Variants in TMEM200A observed in about 807,000 individuals in gnomAD.
TMEM200A encodes the protein transmembrane protein 200A.
In TMEM200A, 12 loss-of-function variants were observed where a neutral mutation model predicts 24.3. The ratio of observed to expected loss-of-function variants is 0.49; its 90% CI spans 0.32 to 0.80. TMEM200A has a LOEUF of 0.80. Ranked by LOEUF, TMEM200A falls within the 30% of genes least tolerant of loss-of-function variation. TMEM200A has a pLI of 0.04. For synonymous variants in TMEM200A, 224 were observed against 224.4 expected (o/e 1.00, Z 0.02); for missense variants, 545 against 614.4 (o/e 0.89, Z 1.19).
intron 2 of TMEM200A, among the ~76,000 whole-genome samples, chr6:130,409,657 T>C (rs1214626704): frequency 6.6e-6 from 1 of 152,216 alleles, no homozygotes; most frequent in African/African-American, 2.4e-5. Context: ...AGTATTTTGA[T>C]GTCTCATGAC....
chr6:130,384,570 C>T (rs1285526054), intron 1 of TMEM200A, among the ~76,000 whole-genome samples: 2 of 152,056 alleles, frequency 1.3e-5, no homozygotes, highest in Admixed American at 1.3e-4. Flanking sequence ...CCTTGGCCTT[C>T]CAAAGTGCTG....
chr6:130,385,065 G>A (rs1205444134), intron 1 of TMEM200A, 108 bp from the exon 2 acceptor site: 1 of 152,312 alleles, frequency 6.6e-6, no homozygotes, highest in East Asian at 1.9e-4. Flanking sequence ...TAGTCAGACA[G>A]AAAAAAGTAG....
At chr6:130,396,657 T>C (rs1355529366) in intron 2 of TMEM200A, among the ~76,000 whole-genome samples, 1 of 152,172 alleles carries the variant, frequency 6.6e-6, no homozygotes, top group Non-Finnish European at 1.5e-5. Flanking sequence ...ATTTATACTT[T>C]GTATATTTTT....
chr6:130,400,576 C>T (rs1321638067), intron 2 of TMEM200A, among the ~76,000 whole-genome samples: 1 of 151,230 alleles, frequency 6.6e-6, no homozygotes, highest in African/African-American at 2.4e-5. Flanking sequence ...TATGTAAGCC[C>T]TGAGTTACAG....
chr6:130,408,865 T>C (rs913297006), intron 2 of TMEM200A, among the ~76,000 whole-genome samples: 13 of 152,146 alleles, frequency 8.5e-5, no homozygotes, highest in Admixed American at 6.5e-4. Context: ...AGGGGAGACC[T>C]GCCATAGGAG....
intron 2 of TMEM200A, among the ~76,000 whole-genome samples, chr6:130,426,318 A>C (rs892683454): frequency 6.6e-6 from 1 of 152,184 alleles, no homozygotes; most frequent in Non-Finnish European, 1.5e-5. Context: ...TGCAGCACGC[A>C]AAAGATGAAA....
intron 1 of TMEM200A, among the ~76,000 whole-genome samples, chr6:130,383,764 A>T (rs565993910): frequency 3.9e-5 from 6 of 152,298 alleles, no homozygotes; most frequent in Non-Finnish European, 8.8e-5. Flanking sequence ...GACAAGTATT[A>T]AAACTTTGGA....
intron 2 of TMEM200A, among the ~76,000 whole-genome samples, chr6:130,409,840 G>GT (rs60589180): frequency 0.017 from 2,437 of 144,408 alleles, 38 homozygotes; most frequent in African/African-American, 0.05. Context: ...CTGTCTCTCA[G>GT]TTTTTTTTTT....
intron 2 of TMEM200A, 66 bp from the exon 3 acceptor site, chr6:130,440,341 T>C (rs745720591): frequency 1.7e-5 from 24 of 1,420,512 alleles, no homozygotes; most frequent in Non-Finnish European, 2.2e-5. Context: ...GTTGTTTAAT[T>C]GAACTGATGC....
chr6:130,384,300 G>A (rs761514264), intron 1 of TMEM200A, among the ~76,000 whole-genome samples: 13 of 152,228 alleles, frequency 8.5e-5, no homozygotes, highest in South Asian at 2.1e-4. Context: ...GCTGTATAAT[G>A]TTCTGTTACC....
At chr6:130,428,503 C>A (rs1430021221) in intron 2 of TMEM200A, among the ~76,000 whole-genome samples, 1 of 152,062 alleles carries the variant, frequency 6.6e-6, no homozygotes, top group Non-Finnish European at 1.5e-5. Context: ...TAGTAGAGAG[C>A]TTTCTCTCTG....
intron 2 of TMEM200A, among the ~76,000 whole-genome samples, chr6:130,418,245 A>G (rs1779504024): frequency 6.6e-6 from 1 of 152,256 alleles, no homozygotes; most frequent in Non-Finnish European, 1.5e-5. Flanking sequence ...AAAACACACC[A>G]AAACAACTCT....
chr6:130,424,722 G>T (rs1456689824), intron 2 of TMEM200A, among the ~76,000 whole-genome samples: 1 of 152,058 alleles, frequency 6.6e-6, no homozygotes, highest in Non-Finnish European at 1.5e-5. Context: ...AGGATGGGTG[G>T]GGGAGCCATG....
Position 130,427,713 on chromosome 6 carries a change from A to AATCT in TMEM200A, c.-16-12693_-16-12690dup, listed in dbSNP as rs372009068. On this transcript the variant is annotated intron_variant, in intron 2 of 2. Transcript: ENST00000296978. ...TACCTCACCAATAATGGTCATAATC[A>AATCT]ATCTTTTTGTCTTTTTTTTTTTCAT... Among the ~76,000 whole-genome samples the AATCT allele has an allele frequency of 1.6e-3, 242 of 150,748 alleles. 2 individuals carry two copies. The highest frequency in any genetic ancestry group is 5.8e-3 in the African/African-American group (237 of 41,014).
intron 2 of TMEM200A, among the ~76,000 whole-genome samples, chr6:130,420,936 G>T (rs1779568123): frequency 1.3e-5 from 2 of 152,106 alleles, no homozygotes; most frequent in African/African-American, 4.8e-5. Flanking sequence ...TGATCCTAGA[G>T]GACATGCTGG....
chr6:130,407,688 T>C (rs1779237203), intron 2 of TMEM200A, among the ~76,000 whole-genome samples: 1 of 152,210 alleles, frequency 6.6e-6, no homozygotes, highest in South Asian at 2.1e-4. Flanking sequence ...AGCTCCGAGG[T>C]GCCTCTAATG....
rs372578935 is a variant in TMEM200A, at chr6:130,442,784, A to C, written c.*886A>C. ...TGTTTTTAGCCATCTGTTACTGTCCAATAGCACCTCATTCCCACATTCTAT... is the reference window on the plus strand; with the variant it reads ...TGTTTTTAGCCATCTGTTACTGTCCCATAGCACCTCATTCCCACATTCTAT... On this transcript the variant is annotated 3_prime_UTR_variant, in exon 3 of 3. Transcript: ENST00000296978. The C allele has an allele frequency of 6.0e-6, 1 of 167,162 alleles. No homozygotes were observed. The highest frequency in any genetic ancestry group is 1.9e-4 in the East Asian group (1 of 5,178). 10.4% of individuals were successfully genotyped at this position (167,162 alleles called of 1,614,324 possible). A position where few individuals can be genotyped will look rare whatever the true frequency, so the allele number is the denominator to read the frequency against.
At chr6:130,435,981 ATT>A (rs1779997708) in intron 2 of TMEM200A, among the ~76,000 whole-genome samples, 1 of 152,196 alleles carries the variant, frequency 6.6e-6, no homozygotes, top group Non-Finnish European at 1.5e-5. Flanking sequence ...ACAGGTAATC[ATT>A]GAGATTTGGA....
chr6:130,388,617 T>C (rs1050209186), intron 2 of TMEM200A, among the ~76,000 whole-genome samples: 7 of 152,262 alleles, frequency 4.6e-5, no homozygotes, highest in Non-Finnish European at 7.3e-5. Flanking sequence ...CTGAGTGGCA[T>C]AAGTAGATAC....
Sources: gnomAD v4.1 joint callset for allele counts (sites outside exome capture counted in the v4.1 genomes callset) on GRCh38, gnomAD v4.1.1 for gene constraint, MANE v1.5 for transcripts, NCBI Gene and HGNC (gene_info 2026-07-23, HGNC 2026-07-21) for gene names.